PCNX4: variants seen among roughly 807,000 people sequenced by gnomAD.
PCNX4 encodes pecanex 4.
In PCNX4, 103 loss-of-function variants were observed where a neutral mutation model predicts 107.2. The ratio of observed to expected loss-of-function variants is 0.96; its 90% CI spans 0.82 to 1.13. PCNX4 has a LOEUF of 1.13. Among genes scored for constraint, PCNX4 ranks in the 50% most tolerant of loss-of-function variants. The pLI is 0.00. For synonymous variants in PCNX4, 541 were observed against 481.7 expected (o/e 1.12, Z -1.61); for missense variants, 1,528 against 1,379.4 (o/e 1.11, Z -1.71).
rs1241019649 is a variant in PCNX4, at chr14:60,146,536, T to TA, written c.*12318dup. 6.6e-6 allele frequency: 1 copy of TA among 152,164 alleles called. No homozygotes were observed. The highest frequency in any genetic ancestry group is 1.5e-5 in the Non-Finnish European group (1 of 68,020). 9.4% of individuals were successfully genotyped at this position (152,164 alleles called of 1,614,324 possible). A position where few individuals can be genotyped will look rare whatever the true frequency, so the allele number is the denominator to read the frequency against. The stretch of plus-strand genomic sequence containing the variant: ...GATCCAGCAATTCCACTTAAGGGTA[T>TA]AAATCTAAAGGAAGTGAAATCAGTA... On this transcript the variant is annotated 3_prime_UTR_variant, in exon 11 of 11. Transcript: ENST00000406854. The surrounding 1 kb of genome is among the most constrained non-coding windows in gnomAD (Gnocchi z 4.9).
rs765470914 is a variant in PCNX4 at position 60,107,983 on chromosome 14, GCATGAATTTAC to G, written c.348_358del (p.His116GlnfsTer6). 1.9e-6 allele frequency: 3 copies of G among 1,612,830 alleles called. No homozygotes were observed. The highest frequency in any genetic ancestry group is 2.5e-6 in the Non-Finnish European group (3 of 1,179,848). ...CGGATATCTTAGCAGAGGAGGATGA[GCATGAATTTAC>G]CAGTTGTACTGGTGCTGAGACTGTC... On this transcript the variant is annotated frameshift_variant, in exon 2 of 11. Coordinates refer to ENST00000406854, the MANE Select transcript of PCNX4 (RefSeq NM_001330177.2). LOFTEE classifies it high-confidence loss of function.
intron 1 of PCNX4, among the ~76,000 whole-genome samples, chr14:60,102,157 T>C (rs559161824): frequency 5.3e-5 from 8 of 152,332 alleles, no homozygotes; most frequent in African/African-American, 1.9e-4. Context: ...TCTACAACAT[T>C]GTGCCTGCAG....
intron 1 of PCNX4, among the ~76,000 whole-genome samples, chr14:60,105,543 T>C (rs1280586532): frequency 6.6e-6 from 1 of 152,244 alleles, no homozygotes; most frequent in Non-Finnish European, 1.5e-5. Flanking sequence ...TACTCTTTTT[T>C]TTGGATACAA....
intron 10 of PCNX4, among the ~76,000 whole-genome samples, chr14:60,129,691 T>C (rs983678010): frequency 1.3e-5 from 2 of 152,244 alleles, no homozygotes; most frequent in African/African-American, 4.8e-5. Flanking sequence ...TAATGTGATA[T>C]GTATAACAGT....
intron 6 of PCNX4, among the ~76,000 whole-genome samples, chr14:60,116,701 A>G (rs748295148): frequency 4.0e-5 from 6 of 151,182 alleles, no homozygotes; most frequent in Non-Finnish European, 7.4e-5. Flanking sequence ...CCTACATATT[A>G]AAAAAAAAGT....
intron 6 of PCNX4, among the ~76,000 whole-genome samples, chr14:60,117,409 A>G (rs1437275528): frequency 6.6e-6 from 1 of 152,234 alleles, no homozygotes; most frequent in Admixed American, 6.5e-5. Flanking sequence ...TTTGTAGCCT[A>G]TGAGCAATAG....
chr14:60,119,302 C>T (rs997475822), intron 7 of PCNX4, among the ~76,000 whole-genome samples: 2 of 152,142 alleles, frequency 1.3e-5, no homozygotes, highest in African/African-American at 4.8e-5. Context: ...TTGTCAAACA[C>T]TAACTGTAAA....
chr14:60,118,616 A>G lies in PCNX4; in HGVS notation c.1866A>G (p.Ala622=), dbSNP rs768156008. 1.9e-6 allele frequency: 3 copies of G among 1,613,842 alleles called. No homozygotes were observed. In the South Asian group the frequency reaches 3.3e-5, roughly 18 times the overall value. Reference sequence around the variant, plus strand: ...CAGGCACCACAGCCTGTGTGTGTGCAGATACAGTGTACTACTACCAAATGG... The same window carrying G: ...CAGGCACCACAGCCTGTGTGTGTGCGGATACAGTGTACTACTACCAAATGG... ...GAAGTTACVC[A]DTVYYYQMVP... Residue 622 remains alanine (A), a synonymous_variant, in exon 7 of 11, where the codon GCA becomes GCG. Coordinates refer to ENST00000406854, the MANE Select transcript of PCNX4 (RefSeq NM_001330177.2).
rs569697733 is a variant in PCNX4, at chr14:60,114,825, T to C, written c.815T>C (p.Met272Thr). ...CCCGATGCACTTCTCTTATGGGCAA[T>C]GGAGCAGGTTTTAGAGTTCGGCCTT... ...PPPDALLLWA[M>T]EQVLEFGLGG... Residue 272 changes from methionine to threonine, a missense_variant, in exon 3 of 11, where the codon ATG becomes ACG. Coordinates refer to ENST00000406854, the MANE Select transcript of PCNX4 (RefSeq NM_001330177.2). The C allele has an allele frequency of 1.1e-4, 183 of 1,613,868 alleles. 1 individual carries two copies. The South Asian group carries it at 1.9e-3, about 16-fold the overall frequency.
chr14:60,128,351 T>C (rs1339450532), intron 10 of PCNX4, among the ~76,000 whole-genome samples: 1 of 152,140 alleles, frequency 6.6e-6, no homozygotes, highest in Non-Finnish European at 1.5e-5. Flanking sequence ...AAGTAAAAAC[T>C]ACTTGTACAT....
rs117923665 is a variant in PCNX4 at position 60,117,361 on chromosome 14, A to T, written c.1579-968A>T. Among the ~76,000 whole-genome samples, 68 of 152,316 alleles carry T rather than the reference A, an allele frequency of 4.5e-4. 1 individual carries two copies. Among genetic ancestry groups the T allele is most frequent in the Non-Finnish European group, 8.1e-4 (55 of 68,022 alleles). ...ACAAATACTTAACATTGTGTTACAG[A>T]TGCCTATGGTATTGAGTACTGTAAC... On this transcript the variant is annotated intron_variant, in intron 6 of 10. Coordinates refer to ENST00000406854, the MANE Select transcript of PCNX4 (RefSeq NM_001330177.2).
Position 60,105,011 on chromosome 14 carries a change from T to G in PCNX4, c.-53-2575T>G, listed in dbSNP as rs570918135. ...AGACCAGAAGTGTTTTGGATTTGGG[T>G]TTTTTTTCCCCAGATTTTGGAATGT... is the stretch of plus-strand genomic sequence containing the variant. On this transcript the variant is annotated intron_variant, in intron 1 of 10. Coordinates refer to ENST00000406854, the MANE Select transcript of PCNX4 (RefSeq NM_001330177.2). 2.3e-3 allele frequency among the ~76,000 whole-genome samples: 353 copies of G among 152,090 alleles called. 1 individual carries two copies. The highest frequency in any genetic ancestry group is 7.8e-3 in the African/African-American group (322 of 41,500).
rs1896287953 is a variant in PCNX4 at position 60,139,953 on chromosome 14, A to T, written c.*5732A>T. On this transcript the variant is annotated 3_prime_UTR_variant, in exon 11 of 11. Transcript: ENST00000406854. ...AAATTTATAGTCTTAAACGCACATT[A>T]AAAAAAAAAGATTGAAAATGAACCT... 1 of 83,882 alleles carries T rather than the reference A, an allele frequency of 1.2e-5. No individual in the cohort carries two copies. Among genetic ancestry groups the T allele is most frequent in the Non-Finnish European group, 2.1e-5 (1 of 47,612 alleles). The allele number at this position is 83,882 out of a possible 1,614,324, so 5.2% of individuals were successfully genotyped here. A position where few individuals can be genotyped will look rare whatever the true frequency, so the allele number is the denominator to read the frequency against.
chr14:60,120,428 A>T (rs536328285), intron 7 of PCNX4, among the ~76,000 whole-genome samples: 1 of 150,396 alleles, frequency 6.6e-6, no homozygotes, highest in African/African-American at 2.5e-5. Flanking sequence ...CGAGAGTCTT[A>T]TCAGGTAGGG....
At chr14:60,095,285 A>G (rs970893409) in intron 1 of PCNX4, among the ~76,000 whole-genome samples, 2 of 152,176 alleles carry the variant, frequency 1.3e-5, no homozygotes, top group African/African-American at 4.8e-5. Flanking sequence ...GCAGAGGAAA[A>G]TATTAGGGGA....
intron 10 of PCNX4, among the ~76,000 whole-genome samples, chr14:60,131,312 A>G (rs1595180369): frequency 6.6e-6 from 1 of 152,376 alleles, no homozygotes; most frequent in East Asian, 1.9e-4. Flanking sequence ...CTTAATGTAT[A>G]GAATATCTAA....
At position 60,118,488 on chromosome 14, in the gene PCNX4, A is replaced by G. The variant is rs1315675262; in HGVS notation, c.1738A>G (p.Ile580Val). 3 of 1,613,540 alleles carry G rather than the reference A, an allele frequency of 1.9e-6. No homozygotes were observed. The highest frequency in any genetic ancestry group is 1.3e-5 in the African/African-American group (1 of 74,882). Reference protein sequence around the residue: ...IVFSPFVLVIIVFSTLLSSPL... With the variant: ...IVFSPFVLVIVVFSTLLSSPL... The stretch of plus-strand genomic sequence containing the variant: ...CTTTTCTCCATTCGTGTTGGTCATC[A>G]TAGTTTTTTCTACACTACTCTCTTC... The change falls in exon 7 of 11, where the codon ATA (isoleucine) becomes GTA (valine). Residue 580 changes from isoleucine to valine, a missense_variant. By Grantham distance (29) the Ile-to-Val change is conservative. Transcript: ENST00000406854.
At chr14:60,093,478 CT>C (rs1895352401) in intron 1 of PCNX4, among the ~76,000 whole-genome samples, 1 of 152,160 alleles carries the variant, frequency 6.6e-6, no homozygotes, top group African/African-American at 2.4e-5. Flanking sequence ...TTGTAACGGG[CT>C]TTCACTTAGT....
chr14:60,102,236 A>T (rs1183679029), intron 1 of PCNX4, among the ~76,000 whole-genome samples: 1 of 152,202 alleles, frequency 6.6e-6, no homozygotes, highest in African/African-American at 2.4e-5. Context: ...TACCACAATG[A>T]AAAATCAAAA....
Sources: allele counts gnomAD v4.1 joint callset (sites outside exome capture counted in the v4.1 genomes callset), GRCh38; gene constraint gnomAD v4.1.1; non-coding constraint Gnocchi (gnomAD v3.1); transcripts MANE v1.5; gene names NCBI Gene and HGNC (gene_info 2026-07-23, HGNC 2026-07-21).